SLC17A8: variants seen among roughly 807,000 people sequenced by gnomAD.
SLC17A8 encodes solute carrier family 17 member 8.
SLC17A8 carries 31 observed loss-of-function variants against 58.0 expected under a neutral mutation model. The ratio of observed to expected loss-of-function variants is 0.53; its 90% CI spans 0.40 to 0.72. The LOEUF is 0.72. Among genes scored for constraint, SLC17A8 ranks in the 30% least tolerant of loss-of-function variants. The pLI is 0.00. For synonymous variants in SLC17A8, 228 were observed against 249.0 expected (o/e 0.92, Z 0.79); for missense variants, 655 against 727.8 (o/e 0.90, Z 1.15).
At position 100,404,093 on chromosome 12, in the gene SLC17A8, G is replaced by C; in HGVS notation, c.1109G>C (p.Gly370Ala). ...HMVMTIVVPI[G>A]GQLADYLRSR... ...GTTATGACAATCGTTGTACCTATTGGAGGACAATTGGCTGATTATTTAAGA... is the reference window on the plus strand; with the variant it reads ...GTTATGACAATCGTTGTACCTATTGCAGGACAATTGGCTGATTATTTAAGA... The change falls in exon 9 of 12, where the codon GGA becomes GCA. Residue 370 changes from glycine to alanine, a missense_variant. Coordinates refer to ENST00000323346, the MANE Select transcript of SLC17A8 (RefSeq NM_139319.3). 1 of 1,614,152 alleles carries C rather than the reference G, an allele frequency of 6.2e-7. No homozygotes were observed. Among genetic ancestry groups the C allele is most frequent in the East Asian group, 2.2e-5 (1 of 44,880 alleles).
At chr12:100,381,742 C>T (rs778848917) in intron 2 of SLC17A8, among the ~76,000 whole-genome samples, 11 of 151,964 alleles carry the variant, frequency 7.2e-5, no homozygotes, top group Non-Finnish European at 1.5e-4. Flanking sequence ...ACAAAAGAAG[C>T]CAATTATATT....
rs1314710627 is a variant in SLC17A8, at chr12:100,420,263, G to A, written c.*104G>A. On this transcript the variant is annotated 3_prime_UTR_variant, in exon 12 of 12. Transcript: ENST00000323346. ...CTTGCCAGAGGTCCAAATATTGGGA[G>A]GGGAGAAGATCTAACCAGCAACAGG... 4.6e-6 allele frequency: 4 copies of A among 871,658 alleles called. No individual in the cohort carries two copies. The allele number at this position is 871,658 out of a possible 1,614,324, so 54.0% of individuals were successfully genotyped here. A position where few individuals can be genotyped will look rare whatever the true frequency, so the allele number is the denominator to read the frequency against.
In SLC17A8 at chr12:100,367,964, T is replaced by C. The variant is rs572487108; in HGVS notation, c.101+10472T>C. 5.3e-4 allele frequency among the ~76,000 whole-genome samples: 80 copies of C among 152,376 alleles called. 2 individuals carry two copies. The highest frequency in any genetic ancestry group is 3.4e-3 in the Middle Eastern group (1 of 294). On this transcript the variant is annotated intron_variant, in intron 1 of 11. Transcript: ENST00000323346. ...TATATTTTAAAAGTCACCAGGCTAC[T>C]CTGGACATATCTATTTTGTTTAAGT...
intron 1 of SLC17A8, among the ~76,000 whole-genome samples, chr12:100,376,997 A>C (rs1286876152): frequency 6.6e-6 from 1 of 151,994 alleles, no homozygotes; most frequent in Non-Finnish European, 1.5e-5. Context: ...TTTAGTAGAG[A>C]CGGGGTTTTG....
intron 2 of SLC17A8, among the ~76,000 whole-genome samples, chr12:100,387,671 G>A (rs963319471): frequency 2.0e-5 from 3 of 152,190 alleles, no homozygotes; most frequent in African/African-American, 2.4e-5. Context: ...TCTGGGCAAA[G>A]AAGTCTTGTC....
At chr12:100,393,617 C>A in intron 4 of SLC17A8, 134 bp downstream of exon 4, 1 of 686,320 alleles carries the variant, frequency 1.5e-6, no homozygotes, top group South Asian at 1.5e-5. Flanking sequence ...TGTTTCCATT[C>A]TCTGGTAATG....
At chr12:100,406,450 C>T (rs1455949023) in intron 9 of SLC17A8, among the ~76,000 whole-genome samples, 2 of 151,996 alleles carry the variant, frequency 1.3e-5, no homozygotes, top group African/African-American at 4.8e-5. Flanking sequence ...CAGATCATGG[C>T]AGGCCTTGTC....
At position 100,365,712 on chromosome 12, in the gene SLC17A8, G is replaced by A. The variant is rs895765148; in HGVS notation, c.101+8220G>A. Among the ~76,000 whole-genome samples, 4 of 152,102 alleles carry A rather than the reference G, an allele frequency of 2.6e-5. No homozygotes were observed. In the East Asian group the frequency reaches 7.7e-4, roughly 29 times the overall value. ...TCCTGTGAACTTCGCCCACGTGATGGACCTGTGATCTTTGTAGCAATTATT... is the reference window on the plus strand; with the variant it reads ...TCCTGTGAACTTCGCCCACGTGATGAACCTGTGATCTTTGTAGCAATTATT... On this transcript the variant is annotated intron_variant, in intron 1 of 11. Transcript: ENST00000323346.
intron 2 of SLC17A8, among the ~76,000 whole-genome samples, chr12:100,389,094 C>T (rs190678234): frequency 6.6e-6 from 1 of 152,242 alleles, no homozygotes; most frequent in Admixed American, 6.5e-5. Flanking sequence ...GGACCATTTA[C>T]AATGAGTCTA....
intron 1 of SLC17A8, among the ~76,000 whole-genome samples, chr12:100,365,961 A>T (rs1429564444): frequency 6.6e-6 from 1 of 151,248 alleles, no homozygotes; most frequent in East Asian, 1.9e-4. Flanking sequence ...TTTCTAATGG[A>T]TATGGAAAGA....
chr12:100,386,240 T>C (rs1952673433), intron 2 of SLC17A8, among the ~76,000 whole-genome samples: 1 of 152,174 alleles, frequency 6.6e-6, no homozygotes, highest in African/African-American at 2.4e-5. Flanking sequence ...AGTGTTTGGT[T>C]TATTATAGTG....
At chr12:100,382,353 T>C (rs1317609482) in intron 2 of SLC17A8, among the ~76,000 whole-genome samples, 1 of 152,216 alleles carries the variant, frequency 6.6e-6, no homozygotes, top group Non-Finnish European at 1.5e-5. Flanking sequence ...GTGACTTAAA[T>C]AGTATTGTTT....
intron 1 of SLC17A8, among the ~76,000 whole-genome samples, chr12:100,372,855 A>G (rs1952567661): frequency 6.6e-6 from 1 of 152,160 alleles, no homozygotes; most frequent in Non-Finnish European, 1.5e-5. Context: ...GTGAGCCACC[A>G]CGCCCAGCCA....
intron 2 of SLC17A8, among the ~76,000 whole-genome samples, chr12:100,384,792 C>T (rs763455826): frequency 6.6e-6 from 1 of 152,136 alleles, no homozygotes; most frequent in Non-Finnish European, 1.5e-5. Context: ...ACAGGCCCTG[C>T]CAGAAGTGCT....
intron 1 of SLC17A8, among the ~76,000 whole-genome samples, chr12:100,374,486 C>A (rs1251182178): frequency 6.6e-6 from 1 of 152,162 alleles, no homozygotes; most frequent in African/African-American, 2.4e-5. Flanking sequence ...GTGGCCTACG[C>A]CTGTAATCCC....
intron 1 of SLC17A8, among the ~76,000 whole-genome samples, chr12:100,366,802 G>A (rs115564100): frequency 4.3e-4 from 66 of 152,290 alleles, no homozygotes; most frequent in African/African-American, 1.5e-3. Context: ...ACCCTTATTG[G>A]CTGCCCATTT....
intron 1 of SLC17A8, among the ~76,000 whole-genome samples, chr12:100,358,141 T>G (rs573569507): frequency 6.6e-6 from 1 of 151,914 alleles, no homozygotes; most frequent in Non-Finnish European, 1.5e-5. Context: ...GGAAGGAGAG[T>G]TTGCTATAAA....
At chr12:100,416,979 C>T (rs1457023823) in intron 10 of SLC17A8, among the ~76,000 whole-genome samples, 15 of 152,210 alleles carry the variant, frequency 9.9e-5, no homozygotes, top group South Asian at 2.1e-4. Flanking sequence ...GATCTCAGCT[C>T]GCTGTAACCT....
chr12:100,406,538 A>ATTTTT (rs142080424), intron 9 of SLC17A8, among the ~76,000 whole-genome samples: 1 of 142,138 alleles, frequency 7.0e-6, no homozygotes. Flanking sequence ...ATATGATCTC[A>ATTTTT]TTTTTTTTTT....
Sources: gnomAD v4.1 joint callset for allele counts (sites outside exome capture counted in the v4.1 genomes callset) on GRCh38, gnomAD v4.1.1 for gene constraint, MANE v1.5 for transcripts, NCBI Gene and HGNC (gene_info 2026-07-23, HGNC 2026-07-21) for gene names.